The following LRGUK variants were observed in gnomAD, a reference collection of about 807,000 sequenced individuals.
The protein encoded by LRGUK is leucine rich repeats and guanylate kinase domain containing, also known as leucine-rich repeat and guanylate kinase domain-containing protein.
Under a neutral mutation model 76.0 loss-of-function variants are expected in LRGUK, and 65 were observed. The observed-to-expected ratio is 0.85, with a 90% CI of 0.70 to 1.05. The LOEUF (loss-of-function observed/expected upper bound fraction) is 1.05, where lower values mean the gene tolerates loss of function less well. LRGUK is among the 50% of genes least tolerant of loss of function. The pLI is 0.00. For missense variants in LRGUK, 758 were observed against 732.8 expected (o/e 1.03, Z -0.40); for synonymous variants, 268 against 265.6 (o/e 1.01, Z -0.09).
At chr7:134,267,075 A>G (rs1802869996), downstream of LRGUK, among the ~76,000 whole-genome samples, 1 of 152,200 alleles carries the variant, frequency 6.6e-6, no homozygotes, top group Non-Finnish European at 1.5e-5. Context: ...ACATTCTCAG[A>G]TGAAAGAAAA....
At chr7:134,168,392 G>A (rs1799083144) in intron 7 of LRGUK, among the ~76,000 whole-genome samples, 1 of 152,118 alleles carries the variant, frequency 6.6e-6, no homozygotes, top group Non-Finnish European at 1.5e-5. Flanking sequence ...AATATTTGTT[G>A]ACTGAATGCA....
chr7:134,137,505 A>G, intron 2 of LRGUK, among the ~76,000 whole-genome samples: 1 of 152,212 alleles, frequency 6.6e-6, no homozygotes, highest in Non-Finnish European at 1.5e-5. Flanking sequence ...ATCTGAATCC[A>G]AGGGAACAAA....
chr7:134,183,836 C>T lies in LRGUK; in HGVS notation c.1317C>T (p.Ser439=). Residue 439 remains serine, a synonymous_variant, in exon 11 of 16, where the codon AGC becomes AGT. Transcript: ENST00000645682. The stretch of plus-strand genomic sequence containing the variant: ...CCCATCGCCTCTGCAGACAGTTTAG[C>T]ACTTACTTCAGATATGGGTAAGTTT... 1.9e-6 allele frequency: 3 copies of T among 1,614,028 alleles called. No homozygotes were observed. The South Asian group carries it at 3.3e-5, about 18-fold the overall frequency.
chr7:134,249,690 A>G (rs989189614), intron 18 of LRGUK, among the ~76,000 whole-genome samples: 1 of 152,180 alleles, frequency 6.6e-6, no homozygotes, highest in Non-Finnish European at 1.5e-5. Context: ...AGTGTTTAAT[A>G]TGTCATAGTG....
chr7:134,225,491 A>G (rs952850409), intron 16 of LRGUK, among the ~76,000 whole-genome samples: 5 of 152,244 alleles, frequency 3.3e-5, no homozygotes, highest in African/African-American at 9.6e-5. Context: ...AGTAATTTGC[A>G]GAGCCCTGAG....
chr7:134,258,221 G>A, intron 18 of LRGUK, 36 bp from the exon 19 acceptor site: 10 of 1,612,852 alleles, frequency 6.2e-6, no homozygotes, highest in Non-Finnish European at 8.5e-6. Context: ...GAATAGTTTG[G>A]ATCTCAAAAA....
At chr7:134,137,429 G>A (rs2116824146) in intron 2 of LRGUK, among the ~76,000 whole-genome samples, 1 of 152,160 alleles carries the variant, frequency 6.6e-6, no homozygotes, top group South Asian at 2.1e-4. Flanking sequence ...ATTTGATTCT[G>A]TAAAACCAAT....
At chr7:134,210,281 A>G (rs1801197518), downstream of LRGUK, 2 of 398,686 alleles carry the variant, frequency 5.0e-6, no homozygotes, top group South Asian at 1.3e-4. Context: ...ACTGTTACAA[A>G]TTAGGCCATC....
At chr7:134,247,151 TAA>T (rs754867152) in intron 16 of LRGUK, among the ~76,000 whole-genome samples, 124 of 152,308 alleles carry the variant, frequency 8.1e-4, no homozygotes, top group Middle Eastern at 3.4e-3. Flanking sequence ...GGATCATAAT[TAA>T]ATTTTGGTGG....
At chr7:134,249,304 T>C (rs933143194) in intron 18 of LRGUK, among the ~76,000 whole-genome samples, 1 of 151,726 alleles carries the variant, frequency 6.6e-6, no homozygotes, top group Non-Finnish European at 1.5e-5. Flanking sequence ...CTTGAGGGAG[T>C]GATAGAAAGA....
At chr7:134,178,659 A>G in intron 10 of LRGUK, 50 bp downstream of exon 10, 3 of 1,453,298 alleles carry the variant, frequency 2.1e-6, no homozygotes, top group East Asian at 2.3e-5. Context: ...CAAGCAAAAG[A>G]CAGCCTCATC....
chr7:134,191,885 T>C lies in LRGUK; in HGVS notation c.1431+134T>C, dbSNP rs574745244. Reference sequence around the variant, plus strand: ...TTATGAGAGGTGAGTTTTTATGGGGTTTTTTTTTTTTCTTAAAGTGCTTAA... The same window carrying C: ...TTATGAGAGGTGAGTTTTTATGGGGCTTTTTTTTTTTCTTAAAGTGCTTAA... On this transcript the variant is annotated intron_variant, in intron 12 of 15. Coordinates refer to ENST00000645682, the Ensembl canonical transcript of LRGUK. The C allele has an allele frequency of 2.0e-5, 7 of 355,814 alleles. No individual in the cohort carries two copies. The East Asian group carries it at 3.6e-4, about 18-fold the overall frequency. The allele number at this position is 355,814 out of a possible 1,614,324, so 22.0% of individuals were successfully genotyped here.
chr7:134,191,388 G>A (rs1321260844), intron 11 of LRGUK, among the ~76,000 whole-genome samples: 1 of 152,170 alleles, frequency 6.6e-6, no homozygotes, highest in Non-Finnish European at 1.5e-5. Flanking sequence ...ATTATTACAT[G>A]ATGGCAGAGG....
chr7:134,269,706 G>A, the LRGUK span, among the ~76,000 whole-genome samples: 1 of 152,034 alleles, frequency 6.6e-6, no homozygotes, highest in African/African-American at 2.4e-5. Flanking sequence ...TTCCATCTTG[G>A]TAAATATTTC....
At chr7:134,148,384 C>G in intron 5 of LRGUK, 65 bp downstream of exon 5, 1 of 945,680 alleles carries the variant, frequency 1.1e-6, no homozygotes, top group Non-Finnish European at 1.6e-6. Context: ...ACTACATATT[C>G]AAGAATTGTA....
At chr7:134,143,024 AT>A (rs746829609) in intron 3 of LRGUK, 37 bp from the exon 4 acceptor site, 2 of 1,103,230 alleles carry the variant, frequency 1.8e-6, no homozygotes, top group Non-Finnish European at 2.8e-6. Context: ...TTGTTATTTT[AT>A]TGGCTTACCT....
intron 3 of LRGUK, 140 bp downstream of exon 3, chr7:134,139,657 T>TA (rs1354343895): frequency 1.8e-6 from 1 of 566,314 alleles, no homozygotes. Context: ...GCTTTCCATG[T>TA]AAAAAAGGCA....
rs910580885 is a variant in LRGUK at position 134,178,555 on chromosome 7, A to G, written c.1160A>G (p.Asp387Gly). 6.2e-7 allele frequency: 1 copy of G among 1,613,396 alleles called. No homozygotes were observed. The change falls in exon 10 of 16, where the codon GAC (aspartate) becomes GGC (glycine). Residue 387 changes from aspartate (D) to glycine (G), a missense_variant. By Grantham distance (94) the Asp-to-Gly change is moderately conservative (BLOSUM62 -1). Transcript: ENST00000645682. ...CCCCCTGAAGTGGTTGCAGCTCAAGACCACCTGACCCATGTTGTCAACAGC... is the reference window on the plus strand; with the variant it reads ...CCCCCTGAAGTGGTTGCAGCTCAAGGCCACCTGACCCATGTTGTCAACAGC...
intron 7 of LRGUK, among the ~76,000 whole-genome samples, chr7:134,170,113 A>AT (rs1799179960): frequency 6.6e-6 from 1 of 151,992 alleles, no homozygotes; most frequent in Admixed American, 6.6e-5. Context: ...GAGGTTAAAC[A>AT]TTTTTTTGAC....
Sources: gnomAD v4.1 joint callset for allele counts (sites outside exome capture counted in the v4.1 genomes callset) on GRCh38, gnomAD v4.1.1 for gene constraint, MANE v1.5 for transcripts, NCBI Gene and HGNC (gene_info 2026-07-23, HGNC 2026-07-21) for gene names.